The following DNAJC5B variants were observed in gnomAD, a reference collection of about 807,000 sequenced individuals.
DNAJC5B encodes DnaJ heat shock protein family (Hsp40) member C5 beta, also known as dnaJ homolog subfamily C member 5B.
A neutral mutation model predicts 24.7 loss-of-function variants in DNAJC5B; 23 were observed. The ratio of observed to expected loss-of-function variants is 0.93; its 90% confidence interval spans 0.67 to 1.32. The LOEUF is 1.32. Ranked by LOEUF, DNAJC5B falls within the 40% of genes most tolerant of loss-of-function variation. The pLI is 0.00. For missense variants in DNAJC5B, 238 were observed against 240.8 expected, an observed-to-expected ratio of 0.99 and a Z score of 0.08; for synonymous variants, 101 against 90.1, an observed-to-expected ratio of 1.12 and a Z score of -0.68.
chr8:66,073,905 T>C (rs1807406750), intron 3 of DNAJC5B, among the ~76,000 whole-genome samples: 1 of 152,114 alleles, frequency 6.6e-6, no homozygotes, highest in Non-Finnish European at 1.5e-5. Flanking sequence ...TAGAACAATA[T>C]CTTCCTGAAT....
chr8:66,044,450 A>G (rs1304835873), intron 2 of DNAJC5B, among the ~76,000 whole-genome samples: 1 of 152,002 alleles, frequency 6.6e-6, no homozygotes, highest in Non-Finnish European at 1.5e-5. Flanking sequence ...ACTTCACATA[A>G]TAGATATAGG....
At chr8:66,096,549 A>G (rs1220351220) in intron 5 of DNAJC5B, among the ~76,000 whole-genome samples, 1 of 152,102 alleles carries the variant, frequency 6.6e-6, no homozygotes, top group East Asian at 1.9e-4. Context: ...TTTTGAGGTT[A>G]TGTTATTAGT....
At chr8:66,080,617 G>A in intron 5 of DNAJC5B, 69 bp downstream of exon 5, 1 of 1,380,168 alleles carries the variant, frequency 7.2e-7, no homozygotes, top group South Asian at 1.5e-5. Context: ...AGGTCCCACG[G>A]GGACAGCTAT....
chr8:66,065,612 T>C (rs965835082), intron 3 of DNAJC5B, among the ~76,000 whole-genome samples: 4 of 152,136 alleles, frequency 2.6e-5, no homozygotes, highest in Admixed American at 2.0e-4. Context: ...TTGTACTAGG[T>C]GCAAGTGCAT....
At chr8:66,079,779 G>A (rs2128964494) in intron 4 of DNAJC5B, among the ~76,000 whole-genome samples, 1 of 152,290 alleles carries the variant, frequency 6.6e-6, no homozygotes, top group South Asian at 2.1e-4. Context: ...GGGAGGCAGG[G>A]AGGCCAGTTG....
intron 1 of DNAJC5B, among the ~76,000 whole-genome samples, chr8:66,031,210 T>C (rs1806354225): frequency 1.3e-5 from 2 of 152,228 alleles, no homozygotes; most frequent in South Asian, 2.1e-4. Flanking sequence ...AATTTAAAAA[T>C]GTCTTTCCCA....
At chr8:66,047,208 C>G (rs180964905) in intron 2 of DNAJC5B, among the ~76,000 whole-genome samples, 1 of 152,222 alleles carries the variant, frequency 6.6e-6, no homozygotes, top group Non-Finnish European at 1.5e-5. Context: ...GCTGGATGGG[C>G]TTCTCTCAAG....
intron 3 of DNAJC5B, among the ~76,000 whole-genome samples, chr8:66,061,446 G>A (rs1013057228): frequency 9.2e-5 from 14 of 152,152 alleles, no homozygotes; most frequent in African/African-American, 3.4e-4. Context: ...GCCAGGGTTT[G>A]GCACATGGGT....
intron 2 of DNAJC5B, among the ~76,000 whole-genome samples, chr8:66,049,894 A>G (rs1215351189): frequency 6.6e-6 from 1 of 152,226 alleles, no homozygotes; most frequent in African/African-American, 2.4e-5. Context: ...GAGTCATGAC[A>G]TCTCTTTTAT....
chr8:66,063,182 G>A (rs981130554), intron 3 of DNAJC5B, among the ~76,000 whole-genome samples: 1 of 152,128 alleles, frequency 6.6e-6, no homozygotes, highest in African/African-American at 2.4e-5. Context: ...ACTTCACATG[G>A]AATTTTCTAG....
chr8:66,044,985 A>G (rs1806693381), intron 2 of DNAJC5B, among the ~76,000 whole-genome samples: 1 of 152,200 alleles, frequency 6.6e-6, no homozygotes, highest in South Asian at 2.1e-4. Flanking sequence ...ATTTTATGTT[A>G]TTATGTTCTC....
At chr8:66,039,856 G>C (rs1406485666) in intron 1 of DNAJC5B, among the ~76,000 whole-genome samples, 2 of 152,116 alleles carry the variant, frequency 1.3e-5, no homozygotes, top group Admixed American at 1.3e-4. Context: ...AATCTATCAG[G>C]ATTACAGATT....
chr8:66,027,960 G>C (rs1160502644), intron 1 of DNAJC5B, among the ~76,000 whole-genome samples: 1 of 152,214 alleles, frequency 6.6e-6, no homozygotes, highest in Non-Finnish European at 1.5e-5. Flanking sequence ...GGCTCTTTAA[G>C]AGTTAAGAAT....
chr8:66,033,365 G>A (rs977430535), intron 1 of DNAJC5B, among the ~76,000 whole-genome samples: 1 of 152,250 alleles, frequency 6.6e-6, no homozygotes, highest in African/African-American at 2.4e-5. Flanking sequence ...TTTGCTGGAA[G>A]GCCCGGGAAA....
At chr8:66,070,776 G>C (rs184803229) in intron 3 of DNAJC5B, among the ~76,000 whole-genome samples, 1 of 152,272 alleles carries the variant, frequency 6.6e-6, no homozygotes, top group African/African-American at 2.4e-5. Context: ...AAAGCTGGAG[G>C]CATCATGCTA....
At chr8:66,051,510 T>C (rs1806843149) in intron 2 of DNAJC5B, 21 bp from the exon 3 acceptor site, 1 of 1,449,224 alleles carries the variant, frequency 6.9e-7, no homozygotes, top group Non-Finnish European at 9.7e-7. Context: ...ATAACCTTCA[T>C]GGCTATTTTC....
intron 3 of DNAJC5B, among the ~76,000 whole-genome samples, chr8:66,061,416 T>C (rs1031310007): frequency 6.6e-6 from 1 of 152,152 alleles, no homozygotes; most frequent in Non-Finnish European, 1.5e-5. Context: ...TTACATGAGA[T>C]GATGCATGCA....
intron 5 of DNAJC5B, among the ~76,000 whole-genome samples, chr8:66,097,211 T>C (rs1807972437): frequency 6.6e-6 from 1 of 151,726 alleles, no homozygotes. Flanking sequence ...TCTTTTTTTT[T>C]TTTTCTTTTA....
At chr8:66,021,219 C>T (rs1467909250), upstream of DNAJC5B, among the ~76,000 whole-genome samples, 1 of 152,122 alleles carries the variant, frequency 6.6e-6, no homozygotes. Context: ...CCACGTGGGG[C>T]CTCAGTTTCC....
Sources: gnomAD v4.1 joint callset for allele counts (sites outside exome capture counted in the v4.1 genomes callset) on GRCh38, gnomAD v4.1.1 for gene constraint, MANE v1.5 for transcripts, NCBI Gene and HGNC (gene_info 2026-07-23, HGNC 2026-07-21) for gene names.